The following SGMS1 variants were observed in gnomAD, a reference collection of about 807,000 sequenced individuals.
SGMS1 encodes the protein sphingomyelin synthase 1, also known as phosphatidylcholine:ceramide cholinephosphotransferase 1.
A neutral mutation model predicts 46.2 loss-of-function variants in SGMS1; 13 were observed. That is an observed-to-expected ratio of 0.28 (90% CI 0.18 to 0.45). SGMS1 has a LOEUF of 0.45. Ranked by LOEUF, SGMS1 falls within the 20% of genes least tolerant of loss-of-function variation. SGMS1 has a pLI of 1.00. For synonymous variants in SGMS1, 203 were observed against 187.8 expected (o/e 1.08, Z -0.66); for missense variants, 324 against 519.9 (o/e 0.62, Z 3.66).
At chr10:50,525,782 C>T (rs1193113019) in intron 2 of SGMS1, among the ~76,000 whole-genome samples, 1 of 152,168 alleles carries the variant, frequency 6.6e-6, no homozygotes, top group African/African-American at 2.4e-5. Context: ...CCACCAAAGA[C>T]AGAGCAGTGA....
chr10:50,353,482 A>G (rs1432367741), intron 6 of SGMS1, among the ~76,000 whole-genome samples: 1 of 152,304 alleles, frequency 6.6e-6, no homozygotes, highest in Admixed American at 6.5e-5. Context: ...AGCTAATATC[A>G]TAATGAATGG....
At chr10:50,625,170 A>G, upstream of SGMS1, 1 of 617,014 alleles carries the variant, frequency 1.6e-6, no homozygotes, top group Non-Finnish European at 2.0e-6. Context: ...AACTGCGGCG[A>G]AATCGAGACA....
At chr10:50,616,037 T>C (rs1415232718) in intron 1 of SGMS1, among the ~76,000 whole-genome samples, 1 of 152,256 alleles carries the variant, frequency 6.6e-6, no homozygotes, top group African/African-American at 2.4e-5. Flanking sequence ...ATTTATTGGC[T>C]AGCTAATTCA....
chr10:50,501,763 G>A (rs1837663582), intron 3 of SGMS1, among the ~76,000 whole-genome samples: 2 of 152,072 alleles, frequency 1.3e-5, no homozygotes, highest in Non-Finnish European at 2.9e-5. Context: ...CTCAAGATTA[G>A]GGCCCTACTT....
At chr10:50,326,584 G>A (rs7894861) in intron 8 of SGMS1, among the ~76,000 whole-genome samples, 6,845 of 152,252 alleles carry the variant, frequency 0.045, 273 homozygotes, top group African/African-American at 0.11. Flanking sequence ...ATTTCACAGA[G>A]TTCCAACGAT....
chr10:50,312,063 T>C (rs983089436), intron 8 of SGMS1, among the ~76,000 whole-genome samples: 3 of 152,226 alleles, frequency 2.0e-5, no homozygotes, highest in Non-Finnish European at 4.4e-5. Context: ...GAACAACTCA[T>C]TCATTACAAC....
chr10:50,355,456 G>A (rs1848127088), intron 6 of SGMS1, among the ~76,000 whole-genome samples: 1 of 152,194 alleles, frequency 6.6e-6, no homozygotes, highest in Non-Finnish European at 1.5e-5. Context: ...CGTGTTTTTG[G>A]TGGAGACAGG....
At position 50,493,296 on chromosome 10, in the gene SGMS1, C is replaced by T. The variant is rs568356800; in HGVS notation, c.-497-26364G>A. On this transcript the variant is annotated intron_variant, in intron 3 of 10. Transcript: ENST00000361781. ...AGATTGAAACCGGACCCCTTCCTTA[C>T]GCCATATACAAAAATTAACTCAAGA... 1.4e-4 allele frequency among the ~76,000 whole-genome samples: 22 copies of T among 152,240 alleles called. No individual in the cohort carries two copies. The East Asian group carries it at 2.9e-3, about 20-fold the overall frequency.
chr10:50,352,560 C>T (rs899786455), intron 6 of SGMS1, among the ~76,000 whole-genome samples: 5 of 152,114 alleles, frequency 3.3e-5, no homozygotes, highest in East Asian at 3.9e-4. Flanking sequence ...AGAAATACTT[C>T]GTTCATATCT....
At chr10:50,586,215 G>T (rs1241926483) in intron 2 of SGMS1, among the ~76,000 whole-genome samples, 1 of 152,164 alleles carries the variant, frequency 6.6e-6, no homozygotes, top group Non-Finnish European at 1.5e-5. Flanking sequence ...CTAAAGTTTG[G>T]AAAATGGTGG....
intron 2 of SGMS1, among the ~76,000 whole-genome samples, chr10:50,532,445 T>C (rs1837963776): frequency 6.6e-6 from 1 of 152,180 alleles, no homozygotes; most frequent in Non-Finnish European, 1.5e-5. Context: ...CCATCTCAAT[T>C]TTTAATATTA....
intron 6 of SGMS1, among the ~76,000 whole-genome samples, chr10:50,387,508 G>T (rs552454285): frequency 6.6e-6 from 1 of 152,168 alleles, no homozygotes; most frequent in Admixed American, 6.5e-5. Flanking sequence ...GAAGATTCAG[G>T]CAATACAGAA....
chr10:50,558,012 C>T (rs970687947), intron 2 of SGMS1, among the ~76,000 whole-genome samples: 7 of 152,206 alleles, frequency 4.6e-5, no homozygotes, highest in Admixed American at 4.6e-4. Context: ...TTATATAATC[C>T]TCACAGCTGC....
chr10:50,531,039 T>C (rs1185819186), intron 2 of SGMS1, among the ~76,000 whole-genome samples: 1 of 152,192 alleles, frequency 6.6e-6, no homozygotes, highest in South Asian at 2.1e-4. Flanking sequence ...GGAAAACCAT[T>C]TGGATGTGGT....
chr10:50,367,173 C>T (rs567575942), intron 6 of SGMS1, among the ~76,000 whole-genome samples: 2 of 152,208 alleles, frequency 1.3e-5, no homozygotes, highest in East Asian at 1.9e-4. Flanking sequence ...CAATGGTTTT[C>T]CATTTCACTG....
At chr10:50,381,389 C>A (rs1848603428) in intron 6 of SGMS1, among the ~76,000 whole-genome samples, 1 of 151,986 alleles carries the variant, frequency 6.6e-6, no homozygotes, top group South Asian at 2.1e-4. Flanking sequence ...AAGCATGGTT[C>A]TGCCACCCAT....
At chr10:50,332,611 C>CTTTTTTTT (rs150975310) in intron 7 of SGMS1, among the ~76,000 whole-genome samples, 1 of 72,698 alleles carries the variant, frequency 1.4e-5, no homozygotes, top group Non-Finnish European at 2.5e-5. Flanking sequence ...TTTTTTAAGT[C>CTTTTTTTT]TTTTTTTTTT....
chr10:50,307,904 G>T lies in SGMS1; in HGVS notation c.1062+78C>A. On this transcript the variant is annotated intron_variant, in intron 10 of 10. Transcript: ENST00000361781. This position sits in a 1 kb window ranked among gnomAD's most constrained non-coding sequence, Gnocchi z 4.2. Reference sequence around the variant, plus strand: ...GAAAGAGAAACTTCAGACATCCACAGGTTCTTTGCACCCTGTCCAAGCCAG... The same window carrying T: ...GAAAGAGAAACTTCAGACATCCACATGTTCTTTGCACCCTGTCCAAGCCAG... The T allele has an allele frequency of 7.0e-7, 1 of 1,437,936 alleles. No individual in the cohort carries two copies. Among genetic ancestry groups the T allele is most frequent in the Non-Finnish European group, 9.6e-7 (1 of 1,039,230 alleles). The allele number at this position is 1,437,936 out of a possible 1,614,324, so 89.1% of individuals were successfully genotyped here.
At chr10:50,309,518 A>T (rs1324300811) in intron 9 of SGMS1, among the ~76,000 whole-genome samples, 1 of 152,160 alleles carries the variant, frequency 6.6e-6, no homozygotes, top group African/African-American at 2.4e-5. Context: ...CCGTTAAAGA[A>T]TTTCAGGTAT....
Sources: gnomAD v4.1 joint callset for allele counts (sites outside exome capture counted in the v4.1 genomes callset) on GRCh38, gnomAD v4.1.1 for gene constraint, Gnocchi (gnomAD v3.1) non-coding constraint, MANE v1.5 for transcripts, NCBI Gene and HGNC (gene_info 2026-07-23, HGNC 2026-07-21) for gene names.